The following FAM171B variants were observed in gnomAD, a reference collection of about 807,000 sequenced individuals.
The protein encoded by FAM171B is protein FAM171B.
Under a neutral mutation model 75.6 loss-of-function variants are expected in FAM171B, and 19 were observed. The ratio of observed to expected loss-of-function variants is 0.25; its 90% CI spans 0.18 to 0.37. The LOEUF (loss-of-function observed/expected upper bound fraction) is 0.37, where lower values mean the gene tolerates loss of function less well. FAM171B is among the 10% of genes least tolerant of loss of function. FAM171B has a pLI of 1.00. For missense variants in FAM171B, 848 were observed against 982.4 expected (o/e 0.86, Z 1.83); for synonymous variants, 367 against 361.7 (o/e 1.01, Z -0.17).
intron 5 of FAM171B, among the ~76,000 whole-genome samples, chr2:186,753,564 A>G (rs1448491655): frequency 6.6e-6 from 1 of 152,176 alleles, no homozygotes; most frequent in Non-Finnish European, 1.5e-5. Flanking sequence ...TTACAATAAT[A>G]GGTGTCATAA....
Position 186,762,085 on chromosome 2 carries a change from C to T in FAM171B, c.1743C>T (p.Asn581=), listed in dbSNP as rs764445275. 1.2e-6 allele frequency: 2 copies of T among 1,613,574 alleles called. No homozygotes were observed. The highest frequency in any genetic ancestry group is 1.7e-6 in the Non-Finnish European group (2 of 1,179,798). The stretch of plus-strand genomic sequence containing the variant: ...TGATGGAACCAGTAAATCGAGAGAA[C>T]TTTACGCAGACCTTGCCCAAAATGC... ...GQLMEPVNRE[N]FTQTLPKMPI... Residue 581 remains asparagine, a synonymous_variant, in exon 8 of 8, where the codon AAC becomes AAT. Coordinates refer to ENST00000304698, the MANE Select transcript of FAM171B (RefSeq NM_177454.4). The surrounding 1 kb of genome is among the most constrained non-coding windows in gnomAD (Gnocchi z 4.0).
chr2:186,704,494 G>A (rs1442942287), intron 1 of FAM171B, among the ~76,000 whole-genome samples: 1 of 152,024 alleles, frequency 6.6e-6, no homozygotes, highest in Non-Finnish European at 1.5e-5. Flanking sequence ...TGTAAGACAC[G>A]AGCTAGAAAC....
At chr2:186,698,730 G>A (rs768600559) in intron 1 of FAM171B, among the ~76,000 whole-genome samples, 23 of 152,056 alleles carry the variant, frequency 1.5e-4, no homozygotes, top group South Asian at 1.0e-3. Flanking sequence ...GATCTTATTC[G>A]TTCTACCTGA....
rs1275236106 is a variant in FAM171B at position 186,761,255 on chromosome 2, A to T, written c.1136+19A>T. 1 of 1,609,986 alleles carries T rather than the reference A, an allele frequency of 6.2e-7. No homozygotes were observed. On this transcript the variant is annotated intron_variant, in intron 7 of 7. Transcript: ENST00000304698. Reference sequence around the variant, plus strand: ...ATTGCAGGTAAGAAAATGGCTATAAACACAGAAAACTATCAAGTTATGGTA... The same window carrying T: ...ATTGCAGGTAAGAAAATGGCTATAATCACAGAAAACTATCAAGTTATGGTA...
chr2:186,740,996 TA>T (rs1157583879), intron 2 of FAM171B, among the ~76,000 whole-genome samples: 6 of 152,222 alleles, frequency 3.9e-5, no homozygotes, highest in African/African-American at 1.4e-4. Flanking sequence ...ATACATCTCC[TA>T]GGGGCAATTT....
chr2:186,711,652 T>A (rs1240267647), intron 1 of FAM171B, among the ~76,000 whole-genome samples: 2 of 127,108 alleles, frequency 1.6e-5, no homozygotes, highest in East Asian at 3.9e-4. Context: ...TAAATTATTA[T>A]TTTTTTTTGC....
intron 1 of FAM171B, among the ~76,000 whole-genome samples, chr2:186,724,447 C>T (rs1255309824): frequency 2.0e-5 from 3 of 152,190 alleles, no homozygotes; most frequent in African/African-American, 7.2e-5. Flanking sequence ...TGTAGAGACA[C>T]TTTGCCTGTG....
chr2:186,713,879 AAC>A (rs1469013995), intron 1 of FAM171B, among the ~76,000 whole-genome samples: 1 of 152,214 alleles, frequency 6.6e-6, no homozygotes, highest in African/African-American at 2.4e-5. Flanking sequence ...GAATTCAAAC[AAC>A]AGTTTTTATT....
chr2:186,764,097 T>C lies in FAM171B; in HGVS notation c.*1274T>C, dbSNP rs773149925. 6.6e-6 allele frequency: 1 copy of C among 152,070 alleles called. No homozygotes were observed. Among genetic ancestry groups the C allele is most frequent in the Non-Finnish European group, 1.5e-5 (1 of 67,964 alleles). The allele number at this position is 152,070 out of a possible 1,614,324, so 9.4% of individuals were successfully genotyped here. ...ATTCATACATCCTAAAAATAAAAGC[T>C]CGTTATTCATTAAAATCAACTGATC... On this transcript the variant is annotated 3_prime_UTR_variant, in exon 8 of 8. Coordinates refer to ENST00000304698, the MANE Select transcript of FAM171B (RefSeq NM_177454.4).
At chr2:186,719,148 C>T (rs1176225882) in intron 1 of FAM171B, among the ~76,000 whole-genome samples, 1 of 152,152 alleles carries the variant, frequency 6.6e-6, no homozygotes, top group Non-Finnish European at 1.5e-5. Context: ...GAAAATGCTC[C>T]ATCTAATTCT....
intron 1 of FAM171B, among the ~76,000 whole-genome samples, chr2:186,739,318 C>G (rs983636353): frequency 6.6e-6 from 1 of 152,082 alleles, no homozygotes; most frequent in African/African-American, 2.4e-5. Flanking sequence ...AAATATTTTT[C>G]TTTCTTCAAT....
intron 1 of FAM171B, among the ~76,000 whole-genome samples, chr2:186,727,263 A>G (rs529868260): frequency 9.3e-4 from 142 of 152,278 alleles, no homozygotes; most frequent in African/African-American, 3.4e-3. Context: ...AGAAGAGGAG[A>G]TCCCATTTGG....
intron 6 of FAM171B, among the ~76,000 whole-genome samples, chr2:186,757,284 T>C (rs1336326347): frequency 6.6e-6 from 1 of 152,104 alleles, no homozygotes; most frequent in Non-Finnish European, 1.5e-5. Context: ...AGGAGCTCTA[T>C]GTTAGGAAAC....
rs980697326 is a variant in FAM171B, at chr2:186,763,225, C to T, written c.*402C>T. On this transcript the variant is annotated 3_prime_UTR_variant, in exon 8 of 8. Coordinates refer to ENST00000304698, the MANE Select transcript of FAM171B (RefSeq NM_177454.4). ...GAACATTTAGAAACAAAACTGACTT[C>T]AGGCATCATATTATTTTAAATGTTA... The T allele has an allele frequency of 2.4e-5, 4 of 164,218 alleles. No homozygotes were observed. Among genetic ancestry groups the T allele is most frequent in the Middle Eastern group, 6.3e-3 (2 of 316 alleles). The allele number at this position is 164,218 out of a possible 1,614,324, so 10.2% of individuals were successfully genotyped here. A position where few individuals can be genotyped will look rare whatever the true frequency, so the allele number is the denominator to read the frequency against.
chr2:186,704,807 A>G (rs568868892), intron 1 of FAM171B, among the ~76,000 whole-genome samples: 1 of 152,336 alleles, frequency 6.6e-6, no homozygotes, highest in African/African-American at 2.4e-5. Flanking sequence ...AGCTTGGCAA[A>G]TGTAGGATGT....
chr2:186,699,031 A>G (rs984158697), intron 1 of FAM171B, among the ~76,000 whole-genome samples: 1 of 152,170 alleles, frequency 6.6e-6, no homozygotes, highest in African/African-American at 2.4e-5. Context: ...CTATCTGTTA[A>G]TGGACACTTA....
chr2:186,738,904 G>A (rs899590891), intron 1 of FAM171B, among the ~76,000 whole-genome samples: 2 of 152,090 alleles, frequency 1.3e-5, no homozygotes, highest in Non-Finnish European at 2.9e-5. Flanking sequence ...GCATTGTTAG[G>A]TGATTTTATT....
chr2:186,730,809 C>T (rs1169557348), intron 1 of FAM171B, among the ~76,000 whole-genome samples: 1 of 151,816 alleles, frequency 6.6e-6, no homozygotes, highest in Non-Finnish European at 1.5e-5. Flanking sequence ...TGTACTTTTA[C>T]AAGGATGAAA....
chr2:186,734,874 C>A (rs1690175319), intron 1 of FAM171B, among the ~76,000 whole-genome samples: 1 of 152,218 alleles, frequency 6.6e-6, no homozygotes, highest in Non-Finnish European at 1.5e-5. Context: ...GCACATCCAG[C>A]TGGGTTGCAA....
Sources: allele counts gnomAD v4.1 joint callset (sites outside exome capture counted in the v4.1 genomes callset), GRCh38; gene constraint gnomAD v4.1.1; non-coding constraint Gnocchi (gnomAD v3.1); transcripts MANE v1.5; gene names NCBI Gene and HGNC (gene_info 2026-07-23, HGNC 2026-07-21).